The following ADD1 variants were observed in gnomAD, a reference collection of about 807,000 sequenced individuals.
The protein encoded by ADD1 is adducin 1.
Under a neutral mutation model 80.5 loss-of-function variants are expected in ADD1, and 24 were observed. The ratio of observed to expected loss-of-function variants is 0.30; its 90% CI spans 0.22 to 0.42. The LOEUF (loss-of-function observed/expected upper bound fraction) is 0.42, where lower values mean the gene tolerates loss of function less well. ADD1 is among the 10% of genes least tolerant of loss of function. ADD1 has a pLI of 1.00. For synonymous variants in ADD1, 373 were observed against 393.8 expected, an observed-to-expected ratio of 0.95 and a Z score of 0.63; for missense variants, 948 against 1,019.0, an observed-to-expected ratio of 0.93 and a Z score of 0.95.
At position 2,926,460 on chromosome 4, in the gene ADD1, G is replaced by C; in HGVS notation, c.2047+348G>C. The C allele has an allele frequency of 1.4e-6, 1 of 711,386 alleles. No homozygotes were observed. Among genetic ancestry groups the C allele is most frequent in the South Asian group, 1.6e-5 (1 of 62,752 alleles). 44.1% of individuals were successfully genotyped at this position (711,386 alleles called of 1,614,324 possible). ...CCGCTGTGTGAGCCACACGCCGGCT[G>C]CCTCTCAGCCACCGTGTGTCTGTGG... On this transcript the variant is annotated intron_variant, in intron 15 of 15. Transcript: ENST00000683351. The surrounding 1 kb of genome is among the most constrained non-coding windows in gnomAD (Gnocchi z 5.0).
chr4:2,918,038 A>C (rs61791188), intron 14 of ADD1, among the ~76,000 whole-genome samples: 6,845 of 152,274 alleles, frequency 0.045, 229 homozygotes, highest in Non-Finnish European at 0.067. Flanking sequence ...AATTTGAAGT[A>C]GTTTTTTCTA....
intron 13 of ADD1, among the ~76,000 whole-genome samples, chr4:2,911,723 TG>T (rs1277612667): frequency 2.0e-5 from 3 of 152,150 alleles, no homozygotes; most frequent in Non-Finnish European, 4.4e-5. Context: ...CCCAAAATGC[TG>T]GGATTATAGG....
At chr4:2,875,238 G>A (rs911188098) in intron 1 of ADD1, among the ~76,000 whole-genome samples, 2 of 151,930 alleles carry the variant, frequency 1.3e-5, no homozygotes, top group African/African-American at 2.4e-5. Context: ...CCCTCCCCCC[G>A]AGAAAAGAAT....
intron 10 of ADD1, among the ~76,000 whole-genome samples, chr4:2,906,890 C>T (rs1341482459): frequency 2.6e-5 from 4 of 151,944 alleles, no homozygotes; most frequent in Admixed American, 6.6e-5. Context: ...TATTGCCTCT[C>T]GAAAGTATTC....
chr4:2,916,697 C>T (rs1739145587), intron 14 of ADD1, among the ~76,000 whole-genome samples: 1 of 152,136 alleles, frequency 6.6e-6, no homozygotes, highest in African/African-American at 2.4e-5. Context: ...GCCCCACACC[C>T]CTGACAGGCC....
intron 4 of ADD1, chr4:2,887,695 G>A (rs1442820448): frequency 6.6e-6 from 1 of 152,172 alleles, no homozygotes; most frequent in Non-Finnish European, 1.5e-5. Flanking sequence ...TGTGCTTCAG[G>A]GACGTGATAG....
rs1727519925 is a variant in ADD1, at chr4:2,852,831, C to T, written c.-21+8807C>T. Among the ~76,000 whole-genome samples, 3 of 151,718 alleles carry T rather than the reference C, an allele frequency of 2.0e-5. No individual in the cohort carries two copies. In the South Asian group the frequency reaches 6.2e-4, roughly 31 times the overall value. ...TCCTCCCACCCAGCTTCCTGAGCAG[C>T]TGGGCCTGCAGACCCACCCCACCAC... is the stretch of plus-strand genomic sequence containing the variant. On this transcript the variant is annotated intron_variant, in intron 1 of 15. Coordinates refer to ENST00000683351, the MANE Select transcript of ADD1 (RefSeq NM_001354761.2).
chr4:2,906,238 C>CT (rs2109070091), intron 10 of ADD1, among the ~76,000 whole-genome samples: 1 of 152,344 alleles, frequency 6.6e-6, no homozygotes, highest in East Asian at 1.9e-4. Flanking sequence ...GGCAGGGACC[C>CT]TGTGTGGCCA....
At chr4:2,864,056 C>T (rs1052287668) in intron 1 of ADD1, among the ~76,000 whole-genome samples, 9 of 152,158 alleles carry the variant, frequency 5.9e-5, no homozygotes, top group African/African-American at 1.4e-4. Flanking sequence ...ACACAATCTC[C>T]GAGGACCTAC....
intron 14 of ADD1, 85 bp from the exon 15 acceptor site, chr4:2,925,929 G>A: frequency 8.4e-7 from 1 of 1,195,298 alleles, no homozygotes; most frequent in Non-Finnish European, 1.2e-6. Context: ...CGGCCGAGCG[G>A]GCTGCCCCAT....
chr4:2,860,500 C>T (rs1282490950), intron 1 of ADD1, among the ~76,000 whole-genome samples: 8 of 152,146 alleles, frequency 5.3e-5, no homozygotes, highest in Non-Finnish European at 8.8e-5. Flanking sequence ...AAAGGTTTTT[C>T]TTAGTCATAT....
chr4:2,894,532 A>G (rs544603183), intron 5 of ADD1, 50 bp from the exon 6 acceptor site: 133 of 1,525,476 alleles, frequency 8.7e-5, no homozygotes, highest in Middle Eastern at 2.4e-4. Context: ...AAAAGAAAAG[A>G]AAAAATGAAG....
chr4:2,870,703 G>A (rs1056602866), intron 1 of ADD1, among the ~76,000 whole-genome samples: 1 of 152,174 alleles, frequency 6.6e-6, no homozygotes, highest in Non-Finnish European at 1.5e-5. Context: ...TCTGTTAAGA[G>A]AAAAAGTTAA....
intron 1 of ADD1, among the ~76,000 whole-genome samples, chr4:2,858,865 A>C (rs1022434580): frequency 6.6e-6 from 1 of 152,236 alleles, no homozygotes; most frequent in Non-Finnish European, 1.5e-5. Context: ...TGGGACGTCT[A>C]TGTGCCAGAC....
At chr4:2,857,276 A>AT (rs1728228029) in intron 1 of ADD1, among the ~76,000 whole-genome samples, 1 of 152,132 alleles carries the variant, frequency 6.6e-6, no homozygotes, top group African/African-American at 2.4e-5. Context: ...GCTGTTACTC[A>AT]TTTTTTGACC....
intron 1 of ADD1, among the ~76,000 whole-genome samples, chr4:2,848,334 G>A (rs905362898): frequency 2.0e-5 from 3 of 152,228 alleles, no homozygotes; most frequent in Non-Finnish European, 4.4e-5. Flanking sequence ...AAGGAATGAG[G>A]GGAAGCACAT....
chr4:2,876,035 C>T lies in ADD1; in HGVS notation c.120C>T (p.Asn40=). Residue 40 remains asparagine (N), a synonymous_variant, in exon 2 of 16, where the codon AAC becomes AAT. Transcript: ENST00000683351. ...ACCCAGAGTACTTGAGGGAGAGGAA[C>T]ATGGCACCAGACCTTCGCCAGGACT... The part of the protein sequence containing the change: ...ENNPEYLRER[N]MAPDLRQDFN... 1.2e-6 allele frequency: 2 copies of T among 1,614,158 alleles called. No individual in the cohort carries two copies. The highest frequency in any genetic ancestry group is 1.7e-6 in the Non-Finnish European group (2 of 1,180,008).
rs770382552 is a variant in ADD1 at position 2,884,594 on chromosome 4, G to A, written c.438G>A (p.Arg146=). 9 of 1,613,594 alleles carry A rather than the reference G, an allele frequency of 5.6e-6. No individual in the cohort carries two copies. The South Asian group carries it at 7.7e-5, about 14-fold the overall frequency. The change falls in exon 4 of 16, where the codon CGG becomes CGA. Residue 146 remains arginine (R), a synonymous_variant. Coordinates refer to ENST00000683351, the MANE Select transcript of ADD1 (RefSeq NM_001354761.2). ...ATGACAAAGGAGAGAAGTTATTACG[G>A]TGTAAATTGGCAGCGTTTTATAGAC... is the stretch of plus-strand genomic sequence containing the variant. ...IAYDKGEKLL[R]CKLAAFYRLA...
At chr4:2,875,857 G>A in intron 1 of ADD1, 39 bp from the exon 2 acceptor site, 2 of 1,472,252 alleles carry the variant, frequency 1.4e-6, no homozygotes, top group Non-Finnish European at 1.8e-6. Flanking sequence ...GTTAGACATT[G>A]ATTTGAAAAC....
Sources: gnomAD v4.1 joint callset for allele counts (sites outside exome capture counted in the v4.1 genomes callset) on GRCh38, gnomAD v4.1.1 for gene constraint, Gnocchi (gnomAD v3.1) non-coding constraint, MANE v1.5 for transcripts, NCBI Gene and HGNC (gene_info 2026-07-23, HGNC 2026-07-21) for gene names.